GRAMD1C: variants seen among roughly 807,000 people sequenced by gnomAD.
GRAMD1C encodes the protein GRAM domain containing 1C.
In GRAMD1C, 89 loss-of-function variants were observed where a neutral mutation model predicts 97.8. The ratio of observed to expected loss-of-function variants is 0.91; its 90% CI spans 0.77 to 1.09. The LOEUF is 1.09. Ranked by LOEUF, GRAMD1C falls within the 50% of genes least tolerant of loss-of-function variation. The pLI is 0.00. For synonymous variants in GRAMD1C, 256 were observed against 267.0 expected, an observed-to-expected ratio of 0.96 and a Z score of 0.40; for missense variants, 740 against 766.4, an observed-to-expected ratio of 0.97 and a Z score of 0.41.
At chr3:113,858,023 A>G (rs977117081) in intron 2 of GRAMD1C, among the ~76,000 whole-genome samples, 1 of 152,196 alleles carries the variant, frequency 6.6e-6, no homozygotes, top group Non-Finnish European at 1.5e-5. Context: ...ATGAATTGCG[A>G]AGTGCTCCCT....
chr3:113,908,197 T>G (rs767669583), intron 8 of GRAMD1C, among the ~76,000 whole-genome samples: 2 of 152,212 alleles, frequency 1.3e-5, no homozygotes, highest in Non-Finnish European at 2.9e-5. Context: ...TATTCTGCTG[T>G]ATAGTTTATA....
chr3:113,851,816 C>A (rs192240567), intron 2 of GRAMD1C, among the ~76,000 whole-genome samples: 1 of 152,010 alleles, frequency 6.6e-6, no homozygotes, highest in African/African-American at 2.4e-5. Flanking sequence ...CTGTGCCTGG[C>A]CAAGTTTTCT....
At chr3:113,926,214 C>T (rs1012275936) in intron 10 of GRAMD1C, among the ~76,000 whole-genome samples, 1 of 152,160 alleles carries the variant, frequency 6.6e-6, no homozygotes, top group African/African-American at 2.4e-5. Context: ...GATCTATTTA[C>T]ATAATCCCAT....
At chr3:113,941,035 T>G (rs576951375) in intron 17 of GRAMD1C, among the ~76,000 whole-genome samples, 1 of 152,252 alleles carries the variant, frequency 6.6e-6, no homozygotes, top group African/African-American at 2.4e-5. Flanking sequence ...CATTCTGGGG[T>G]TCCTATTGTC....
At chr3:113,849,693 T>C (rs1933779967) in intron 2 of GRAMD1C, among the ~76,000 whole-genome samples, 1 of 152,214 alleles carries the variant, frequency 6.6e-6, no homozygotes, top group South Asian at 2.1e-4. Flanking sequence ...TGTATACTTC[T>C]TTCTACACAG....
intron 17 of GRAMD1C, among the ~76,000 whole-genome samples, chr3:113,940,696 G>C (rs1937733897): frequency 6.6e-6 from 1 of 151,930 alleles, no homozygotes; most frequent in African/African-American, 2.4e-5. Flanking sequence ...CTTTTTACAG[G>C]AATGGTAGCT....
At chr3:113,870,201 T>TA (rs554480440) in intron 3 of GRAMD1C, among the ~76,000 whole-genome samples, 37 of 143,842 alleles carry the variant, frequency 2.6e-4, no homozygotes, top group South Asian at 1.8e-3. Flanking sequence ...GTCTGTATTA[T>TA]AAAAAAAAAA....
intron 1 of GRAMD1C, among the ~76,000 whole-genome samples, chr3:113,843,881 T>C (rs1215311994): frequency 6.6e-6 from 1 of 152,246 alleles, no homozygotes; most frequent in Non-Finnish European, 1.5e-5. Flanking sequence ...CATTCTTGAC[T>C]CTATGTGTAT....
intron 2 of GRAMD1C, 178 bp downstream of exon 2, chr3:113,844,827 C>CT (rs1933540115): frequency 1.9e-6 from 1 of 518,900 alleles, no homozygotes; most frequent in Non-Finnish European, 3.3e-6. Context: ...CACTAGAATG[C>CT]ACTGTTGTCT....
chr3:113,828,973 A>G (rs1489171152), intron 1 of GRAMD1C, among the ~76,000 whole-genome samples: 1 of 152,188 alleles, frequency 6.6e-6, no homozygotes, highest in Non-Finnish European at 1.5e-5. Flanking sequence ...ATTTACAAAC[A>G]TTTAATCCTC....
intron 17 of GRAMD1C, among the ~76,000 whole-genome samples, chr3:113,940,956 C>G (rs1577230307): frequency 6.6e-6 from 1 of 152,220 alleles, no homozygotes; most frequent in African/African-American, 2.4e-5. Flanking sequence ...CACGTAGGTA[C>G]TCCATTGATG....
chr3:113,913,397 C>T (rs561883593), intron 9 of GRAMD1C, among the ~76,000 whole-genome samples: 12 of 128,040 alleles, frequency 9.4e-5, no homozygotes, highest in South Asian at 2.5e-4. Flanking sequence ...TGGTGGCACA[C>T]GCTTTTAATC....
At chr3:113,878,631 G>A (rs1206154092) in intron 5 of GRAMD1C, among the ~76,000 whole-genome samples, 4 of 152,014 alleles carry the variant, frequency 2.6e-5, no homozygotes, top group East Asian at 3.9e-4. Flanking sequence ...ATGTAATCAC[G>A]TGATTTATAA....
At chr3:113,860,213 G>A (rs537593034) in intron 2 of GRAMD1C, among the ~76,000 whole-genome samples, 36 of 152,126 alleles carry the variant, frequency 2.4e-4, no homozygotes, top group African/African-American at 7.0e-4. Context: ...GTAGAGACAG[G>A]GTTTCACCAT....
At chr3:113,936,731 C>G (rs1046840580) in intron 14 of GRAMD1C, 1 of 200,864 alleles carries the variant, frequency 5.0e-6, no homozygotes, top group Non-Finnish European at 1.0e-5. Context: ...TAGATAGGGT[C>G]TCGTTCTGTT....
chr3:113,855,416 G>A (rs183087024), intron 2 of GRAMD1C, among the ~76,000 whole-genome samples: 166 of 151,634 alleles, frequency 1.1e-3, no homozygotes, highest in African/African-American at 4.0e-3. Context: ...ATCAATAATT[G>A]ATTTTGGCCG....
intron 9 of GRAMD1C, among the ~76,000 whole-genome samples, chr3:113,912,600 G>A (rs1295856271): frequency 6.6e-6 from 1 of 152,068 alleles, no homozygotes; most frequent in African/African-American, 2.4e-5. Context: ...GGACATGGTG[G>A]TGCATGCCTA....
rs1935028230 is a variant in GRAMD1C, at chr3:113,876,234, A to G, written c.433A>G (p.Ile145Val). The G allele has an allele frequency of 1.3e-6, 2 of 1,590,196 alleles. No individual in the cohort carries two copies. Among genetic ancestry groups the G allele is most frequent in the East Asian group, 4.5e-5 (2 of 44,710 alleles). ...AACTGCTCGACTCATCCCAAACGCT[A>G]TCCAGATAGTTACAGAAAGTGAAAA... ...EKTARLIPNA[I>V]QIVTESEKFF... Residue 145 changes from isoleucine to valine, a missense_variant, in exon 5 of 18, where the codon ATC becomes GTC. By Grantham distance (29) the Ile-to-Val change is conservative. Coordinates refer to ENST00000358160, the MANE Select transcript of GRAMD1C (RefSeq NM_017577.5).
chr3:113,892,158 G>T (rs889664293), intron 6 of GRAMD1C, among the ~76,000 whole-genome samples: 2 of 151,980 alleles, frequency 1.3e-5, no homozygotes, highest in Non-Finnish European at 2.9e-5. Context: ...GTTTTTAAAA[G>T]AATCATCTTT....
Sources: allele counts gnomAD v4.1 joint callset (sites outside exome capture counted in the v4.1 genomes callset), GRCh38; gene constraint gnomAD v4.1.1; transcripts MANE v1.5; gene names NCBI Gene and HGNC (gene_info 2026-07-23, HGNC 2026-07-21).